Variants in NEMF observed in about 807,000 individuals in gnomAD.
NEMF encodes nuclear export mediator factor.
NEMF carries 89 observed loss-of-function variants against 162.2 expected under a neutral mutation model. That is an observed-to-expected ratio of 0.55 (90% confidence interval 0.46 to 0.65). NEMF has a LOEUF of 0.65. Among genes scored for constraint, NEMF ranks in the 30% least tolerant of loss-of-function variants. NEMF has a pLI of 0.00. For missense variants in NEMF, 1,133 were observed against 1,261.9 expected (o/e 0.90, Z 1.55); for synonymous variants, 421 against 404.5 (o/e 1.04, Z -0.49).
At chr14:49,798,679 C>T (rs1352374336) in intron 25 of NEMF, among the ~76,000 whole-genome samples, 2 of 152,008 alleles carry the variant, frequency 1.3e-5, no homozygotes, top group South Asian at 2.1e-4. Context: ...GAGGCCAAAG[C>T]GGGTGATCAC....
At chr14:49,787,003 AGG>A in intron 28 of NEMF, 2 of 424,806 alleles carry the variant, frequency 4.7e-6, no homozygotes, top group South Asian at 4.4e-5. Flanking sequence ...GAAGTAGAGG[AGG>A]TGGGAACTGA....
rs147005875 is a variant in NEMF at position 49,784,930 on chromosome 14, C to G, written c.3148G>C (p.Val1050Leu). The change falls in exon 32 of 33, where the codon GTA becomes CTA. Residue 1050 changes from valine (V) to leucine (L), a missense_variant. This residue lies in a region of NEMF where 532 missense variants were observed against 578.6 expected (regional missense o/e 0.92). Coordinates refer to ENST00000298310, the MANE Select transcript of NEMF (RefSeq NM_004713.6). Reference sequence around the variant, plus strand: ...TTTCTGAAGGAGAACTTTACCTTTACGCTGCGGAATAAGTCTTTTTCTCTT... The same window carrying G: ...TTTCTGAAGGAGAACTTTACCTTTAGGCTGCGGAATAAGTCTTTTTCTCTT... ...TAREKDLFRS[V>L]KDTDLSRNIP... is the part of the protein sequence containing the mutation. The G allele has an allele frequency of 6.2e-7, 1 of 1,612,850 alleles. No individual in the cohort carries two copies. Among genetic ancestry groups the G allele is most frequent in the Non-Finnish European group, 8.5e-7 (1 of 1,179,052 alleles).
chr14:49,789,588 G>C lies in NEMF; in HGVS notation c.2620-15C>G. The C allele has an allele frequency of 1.2e-6, 2 of 1,601,054 alleles. No homozygotes were observed. The highest frequency in any genetic ancestry group is 1.7e-6 in the Non-Finnish European group (2 of 1,177,284). On this transcript the variant is annotated splice_polypyrimidine_tract_variant and intron_variant, in intron 26 of 32. Transcript: ENST00000298310. ...TTCATTTTACTCTACAAAATCAGAAGATTTTGGTTGGAAATATTCAGCAGC... is the reference window on the plus strand; with the variant it reads ...TTCATTTTACTCTACAAAATCAGAACATTTTGGTTGGAAATATTCAGCAGC...
At chr14:49,790,293 T>G (rs972323674) in intron 26 of NEMF, among the ~76,000 whole-genome samples, 33 of 152,226 alleles carry the variant, frequency 2.2e-4, no homozygotes, top group African/African-American at 7.9e-4. Context: ...GCAATACATA[T>G]ATCCGAGAAA....
chr14:49,800,530 A>G lies in NEMF; in HGVS notation c.2262T>C (p.Tyr754=), dbSNP rs1295333873. 6.2e-7 allele frequency: 1 copy of G among 1,613,888 alleles called. No individual in the cohort carries two copies. Among genetic ancestry groups the G allele is most frequent in the Non-Finnish European group, 8.5e-7 (1 of 1,179,920 alleles). ...AATCCTGATCTTTTCTAACCTCTTC[A>G]TATTCTCCTTCGTCTTCAGAGCTTT... The part of the protein sequence containing the change: ...QEESSEDEGE[Y]EEVRKDQDSV... The change falls in exon 23 of 33, where the codon TAT becomes TAC. Residue 754 remains tyrosine, a synonymous_variant. Transcript: ENST00000298310.
rs376533250 is a variant in NEMF at position 49,808,317 on chromosome 14, C to T, written c.1745-2184G>A. On this transcript the variant is annotated intron_variant, in intron 18 of 32. Coordinates refer to ENST00000298310, the MANE Select transcript of NEMF (RefSeq NM_004713.6). ...CCTCCCAAGTAGCTTGGATTACAGGCACCCGCCATCATACCAGGCTAATTT... is the reference window on the plus strand; with the variant it reads ...CCTCCCAAGTAGCTTGGATTACAGGTACCCGCCATCATACCAGGCTAATTT... Among the ~76,000 whole-genome samples the T allele has an allele frequency of 2.4e-3, 361 of 152,082 alleles. 1 individual carries two copies. Among genetic ancestry groups the T allele is most frequent in the Non-Finnish European group, 3.9e-3 (265 of 67,988 alleles).
rs377091723 is a variant in NEMF, at chr14:49,808,958, A to G, written c.1745-2825T>C. On this transcript the variant is annotated intron_variant, in intron 18 of 32. Transcript: ENST00000298310. ...CTCTGCATCATATGTCACCAAGGAA[A>G]TGCAAATTACAACAACATTGAAATA... is the stretch of plus-strand genomic sequence containing the variant. Among the ~76,000 whole-genome samples the G allele has an allele frequency of 9.2e-5, 14 of 152,178 alleles. 2 individuals carry two copies. Among genetic ancestry groups the G allele is most frequent in the Admixed American group, 8.5e-4 (13 of 15,268 alleles).
intron 18 of NEMF, among the ~76,000 whole-genome samples, chr14:49,809,143 T>G (rs1419845067): frequency 6.6e-6 from 1 of 152,154 alleles, no homozygotes; most frequent in East Asian, 1.9e-4. Context: ...CTAAAAATAC[T>G]CTTACCATGT....
intron 10 of NEMF, 38 bp downstream of exon 10, chr14:49,832,013 G>C: frequency 7.1e-7 from 1 of 1,414,074 alleles, no homozygotes. Flanking sequence ...CTCATATCAT[G>C]CTAACTAACT....
In NEMF at chr14:49,784,346, G is replaced by C. The variant is rs888911973; in HGVS notation, c.*290C>G. On this transcript the variant is annotated 3_prime_UTR_variant, in exon 33 of 33. Transcript: ENST00000298310. ...GTTCAGTTTCTTTACATCATGAAAT[G>C]AATACTTGGTATTAACCTCCCAAAT... The C allele has an allele frequency of 7.8e-6, 2 of 256,956 alleles. No homozygotes were observed. The highest frequency in any genetic ancestry group is 4.5e-5 in the African/African-American group (2 of 44,188). The allele number at this position is 256,956 out of a possible 1,614,324, so 15.9% of individuals were successfully genotyped here. A position where few individuals can be genotyped will look rare whatever the true frequency, so the allele number is the denominator to read the frequency against.
At position 49,852,756 on chromosome 14, in the gene NEMF, C is replaced by G. The variant is rs756658285; in HGVS notation, c.-3G>C. On this transcript the variant is annotated 5_prime_UTR_variant, in exon 1 of 33. Coordinates refer to ENST00000298310, the MANE Select transcript of NEMF (RefSeq NM_004713.6). ...ATGGTGCTAAAGCGGCTCTTCATGG[C>G]GAGGCCCGAGGGTCACTACCGCAAG... The G allele has an allele frequency of 6.2e-7, 1 of 1,614,192 alleles. No homozygotes were observed. Among genetic ancestry groups the G allele is most frequent in the Non-Finnish European group, 8.5e-7 (1 of 1,180,026 alleles).
At chr14:49,817,280 T>C (rs1423813187) in intron 16 of NEMF, among the ~76,000 whole-genome samples, 2 of 151,874 alleles carry the variant, frequency 1.3e-5, no homozygotes, top group African/African-American at 4.8e-5. Context: ...TCATCTCTAA[T>C]AAAAATAGAA....
rs372158143 is a variant in NEMF, at chr14:49,782,477, A to G, written c.*2159T>C. The G allele has an allele frequency of 3.2e-4, 509 of 1,600,502 alleles. No individual in the cohort carries two copies. The highest frequency in any genetic ancestry group is 4.0e-4 in the Non-Finnish European group (471 of 1,170,186). ...AGAGCTGTAAGTATACTACCTTCAC[A>G]TTATTACTGAAACTTACTTGCAAAG... On this transcript the variant is annotated 3_prime_UTR_variant, in exon 33 of 33. Transcript: ENST00000298310.
intron 26 of NEMF, among the ~76,000 whole-genome samples, chr14:49,789,856 C>T (rs1890359221): frequency 1.3e-5 from 2 of 152,122 alleles, no homozygotes; most frequent in African/African-American, 4.8e-5. Flanking sequence ...ATTGGAAAAG[C>T]AAGTCTAAAA....
At chr14:49,838,280 T>G in intron 5 of NEMF, 74 bp from the exon 6 acceptor site, 1 of 1,166,648 alleles carries the variant, frequency 8.6e-7, no homozygotes. Flanking sequence ...TAATACTACT[T>G]TCATCTGTAT....
chr14:49,846,161 T>G lies in NEMF; in HGVS notation c.336A>C (p.Leu112Phe). Residue 112 changes from leucine to phenylalanine, a missense_variant, in exon 4 of 33, where the codon TTA (leucine) becomes TTC (phenylalanine). Leu to Phe is a conservative substitution (Grantham distance 22). This residue lies in a region of NEMF where 582 missense variants were observed against 631.5 expected (regional missense o/e 0.92). Coordinates refer to ENST00000298310, the MANE Select transcript of NEMF (RefSeq NM_004713.6). Reference protein sequence around the residue: ...QFGSDEAAYHLIIELYDRGNI... With the variant: ...QFGSDEAAYHFIIELYDRGNI... Reference sequence around the variant, plus strand: ...TTACCCTATCATAGAGCTCAATGATTAAATGGTAAGCAGCTTCATCACTTC... The same window carrying G: ...TTACCCTATCATAGAGCTCAATGATGAAATGGTAAGCAGCTTCATCACTTC... 6.2e-7 allele frequency: 1 copy of G among 1,613,530 alleles called. No homozygotes were observed. Among genetic ancestry groups the G allele is most frequent in the Non-Finnish European group, 8.5e-7 (1 of 1,179,592 alleles).
At chr14:49,815,217 T>C (rs1292637116) in intron 16 of NEMF, among the ~76,000 whole-genome samples, 1 of 152,164 alleles carries the variant, frequency 6.6e-6, no homozygotes, top group East Asian at 1.9e-4. Flanking sequence ...AGACCACTAA[T>C]AAGAAAGAAA....
chr14:49,835,065 T>A (rs1892830685), intron 6 of NEMF, among the ~76,000 whole-genome samples: 1 of 152,092 alleles, frequency 6.6e-6, no homozygotes, highest in South Asian at 2.1e-4. Flanking sequence ...CCAGGCGTGG[T>A]GGCACATGCC....
intron 6 of NEMF, among the ~76,000 whole-genome samples, chr14:49,834,847 C>G (rs1892819355): frequency 6.6e-6 from 1 of 152,198 alleles, no homozygotes; most frequent in African/African-American, 2.4e-5. Context: ...TACTCAATAA[C>G]AGTGGCTGGT....
Sources: gnomAD v4.1 joint callset for allele counts (sites outside exome capture counted in the v4.1 genomes callset) on GRCh38, gnomAD v4.1.1 for gene constraint, gnomAD v4.1.1 regional missense constraint, MANE v1.5 for transcripts, NCBI Gene and HGNC (gene_info 2026-07-23, HGNC 2026-07-21) for gene names.